CSGALNACT1: variants seen among roughly 807,000 people sequenced by gnomAD.
The protein encoded by CSGALNACT1 is beta4GalNAcT-1.
CSGALNACT1 carries 52 observed loss-of-function variants against 51.0 expected under a neutral mutation model. The observed-to-expected ratio is 1.02, with a 90% CI of 0.82 to 1.29. The LOEUF is 1.29. CSGALNACT1 is among the 50% of genes most tolerant of loss of function. The pLI, the probability that CSGALNACT1 is intolerant of heterozygous loss-of-function variation, is 0.00. For synonymous variants in CSGALNACT1, 341 were observed against 254.4 expected, an observed-to-expected ratio of 1.34 and a Z score of -3.24; for missense variants, 935 against 679.2, an observed-to-expected ratio of 1.38 and a Z score of -4.19.
chr8:19,543,694 G>T (rs1051638317), intron 3 of CSGALNACT1, among the ~76,000 whole-genome samples: 3 of 152,114 alleles, frequency 2.0e-5, no homozygotes, highest in Non-Finnish European at 4.4e-5. Flanking sequence ...CAGTGCACAG[G>T]AAGCTATACA....
chr8:19,414,775 A>G (rs2056550539), intron 8 of CSGALNACT1, among the ~76,000 whole-genome samples: 1 of 152,238 alleles, frequency 6.6e-6, no homozygotes, highest in Non-Finnish European at 1.5e-5. Context: ...AACTTTCATT[A>G]GAGCAGCATT....
intron 6 of CSGALNACT1, 143 bp downstream of exon 5, chr8:19,439,687 C>A (rs373250196): frequency 6.7e-5 from 48 of 718,782 alleles, no homozygotes; most frequent in Non-Finnish European, 9.4e-5. Flanking sequence ...GCAGACTTTT[C>A]CCTGAACACA....
intron 1 of CSGALNACT1, among the ~76,000 whole-genome samples, chr8:19,640,872 GT>G (rs1159944961): frequency 1.3e-5 from 2 of 149,536 alleles, no homozygotes; most frequent in Non-Finnish European, 3.0e-5. Context: ...TAAGACTTAA[GT>G]TTTGGTTGTT....
intron 6 of CSGALNACT1, 75 bp from the exon 6 acceptor site, chr8:19,420,593 G>C: frequency 6.8e-7 from 1 of 1,462,610 alleles, no homozygotes; most frequent in Non-Finnish European, 9.6e-7. Context: ...TATGTAATCA[G>C]GGCCCATCCA....
intron 6 of CSGALNACT1, among the ~76,000 whole-genome samples, chr8:19,421,986 T>A (rs981307821): frequency 6.6e-6 from 1 of 152,184 alleles, no homozygotes; most frequent in Admixed American, 6.5e-5. Flanking sequence ...TGTTTCTGAA[T>A]GAGTGTATGA....
intron 3 of CSGALNACT1, among the ~76,000 whole-genome samples, chr8:19,580,170 T>G (rs2045251463): frequency 6.6e-6 from 1 of 152,064 alleles, no homozygotes; most frequent in African/African-American, 2.4e-5. Flanking sequence ...AGCTGAAAAA[T>G]GAAATCTAGG....
chr8:19,633,311 C>T (rs2055557685), intron 1 of CSGALNACT1, among the ~76,000 whole-genome samples: 1 of 152,016 alleles, frequency 6.6e-6, no homozygotes, highest in South Asian at 2.1e-4. Context: ...CCCTTTCTTA[C>T]CCTACTGCTT....
chr8:19,605,039 C>T (rs1588975529), upstream of CSGALNACT1, among the ~76,000 whole-genome samples: 1 of 152,108 alleles, frequency 6.6e-6, no homozygotes, highest in East Asian at 1.9e-4. Context: ...CACAGCCCAC[C>T]CTGATCCCCT....
At chr8:19,645,731 T>C (rs1041118453) in intron 1 of CSGALNACT1, among the ~76,000 whole-genome samples, 2 of 152,168 alleles carry the variant, frequency 1.3e-5, no homozygotes, top group Non-Finnish European at 2.9e-5. Flanking sequence ...AAGCTGTGAT[T>C]GATGTTGGCA....
chr8:19,404,624 T>G (rs57082500), exon 10 of CSGALNACT1: 3 of 364,494 alleles, frequency 8.2e-6, no homozygotes, highest in African/African-American at 6.4e-5. Flanking sequence ...ATATATATAT[T>G]TTTTTCTCCA....
At chr8:19,452,747 A>G (rs763071355) in intron 5 of CSGALNACT1, among the ~76,000 whole-genome samples, 4 of 152,136 alleles carry the variant, frequency 2.6e-5, no homozygotes, top group Non-Finnish European at 5.9e-5. Flanking sequence ...AGAGCCAAGT[A>G]TGATACCTCT....
At chr8:19,618,045 ATTT>A (rs564292814) in intron 1 of CSGALNACT1, among the ~76,000 whole-genome samples, 43 of 146,658 alleles carry the variant, frequency 2.9e-4, no homozygotes, top group African/African-American at 1.0e-3. Context: ...CTTCCGGCTG[ATTT>A]TTTTTTTTCC....
chr8:19,691,436 C>T (rs1332864731), intron 1 of CSGALNACT1, among the ~76,000 whole-genome samples: 1 of 152,144 alleles, frequency 6.6e-6, no homozygotes, highest in African/African-American at 2.4e-5. Context: ...ACAAACAAAA[C>T]AAAACAAAAA....
At chr8:19,549,598 C>G (rs951828565) in intron 3 of CSGALNACT1, among the ~76,000 whole-genome samples, 2 of 151,420 alleles carry the variant, frequency 1.3e-5, no homozygotes, top group South Asian at 2.1e-4. Flanking sequence ...AAAGGTCACC[C>G]TGAAACTTCC....
chr8:19,625,525 T>C (rs1055956269), intron 1 of CSGALNACT1, among the ~76,000 whole-genome samples: 21 of 152,178 alleles, frequency 1.4e-4, no homozygotes, highest in African/African-American at 5.1e-4. Context: ...ACAGCTCACT[T>C]CTATCACAGT....
At chr8:19,563,344 A>G (rs2041206270) in intron 3 of CSGALNACT1, among the ~76,000 whole-genome samples, 1 of 152,204 alleles carries the variant, frequency 6.6e-6, no homozygotes, top group Admixed American at 6.5e-5. Context: ...TACTTAGGTG[A>G]TGGGTTGACA....
intron 6 of CSGALNACT1, among the ~76,000 whole-genome samples, chr8:19,424,814 G>A (rs531153867): frequency 2.0e-5 from 3 of 152,300 alleles, no homozygotes; most frequent in Non-Finnish European, 4.4e-5. Flanking sequence ...TGTGCCCAAC[G>A]TAGTGTGATG....
At chr8:19,749,362 A>G (rs1337574428) in intron 1 of CSGALNACT1, among the ~76,000 whole-genome samples, 2 of 152,040 alleles carry the variant, frequency 1.3e-5, no homozygotes, top group Non-Finnish European at 1.5e-5. Context: ...GCTTTAAAAA[A>G]AAAAGCCTGA....
intron 6 of CSGALNACT1, among the ~76,000 whole-genome samples, chr8:19,425,552 A>G (rs2058645207): frequency 1.3e-5 from 2 of 152,152 alleles, no homozygotes; most frequent in South Asian, 4.1e-4. Context: ...ACAGAGAATT[A>G]CTGAGGCTAA....
Sources: allele counts gnomAD v4.1 joint callset (sites outside exome capture counted in the v4.1 genomes callset), GRCh38; gene constraint gnomAD v4.1.1; transcripts MANE v1.5; gene names NCBI Gene and HGNC (gene_info 2026-07-23, HGNC 2026-07-21).